Variants in ADAMTS12 observed in about 807,000 individuals in gnomAD.
ADAMTS12 encodes ADAM metallopeptidase with thrombospondin type 1 motif 12.
In ADAMTS12, 118 loss-of-function variants were observed where a neutral mutation model predicts 167.8. The ratio of observed to expected loss-of-function variants is 0.70; its 90% CI spans 0.61 to 0.82. The LOEUF (loss-of-function observed/expected upper bound fraction) is 0.82, where lower values mean the gene tolerates loss of function less well. Ranked by LOEUF, ADAMTS12 falls within the 40% of genes least tolerant of loss-of-function variation. The pLI is 0.00. For synonymous variants in ADAMTS12, 704 were observed against 716.9 expected, an observed-to-expected ratio of 0.98 and a Z score of 0.29; for missense variants, 1,916 against 1,998.8, an observed-to-expected ratio of 0.96 and a Z score of 0.79.
chr5:33,652,458 C>T lies in ADAMTS12; in HGVS notation c.1191-2761G>A, dbSNP rs78310142. On this transcript the variant is annotated intron_variant, in intron 7 of 23. Coordinates refer to ENST00000504830, the MANE Select transcript of ADAMTS12 (RefSeq NM_030955.4). ...GAAAAATGTCTGTTCTTATCCTATT[C>T]CTACTTTTTAATGGGGTTGTTTATT... 4.6e-3 allele frequency among the ~76,000 whole-genome samples: 699 copies of T among 152,074 alleles called. 5 individuals are homozygous for T. Among genetic ancestry groups the T allele is most frequent in the African/African-American group, 0.016 (678 of 41,518 alleles).
chr5:33,684,358 A>G (rs529194928), intron 3 of ADAMTS12, among the ~76,000 whole-genome samples: 1 of 152,290 alleles, frequency 6.6e-6, no homozygotes, highest in Non-Finnish European at 1.5e-5. Flanking sequence ...CTCCTCCTTT[A>G]AATTATTTAG....
At chr5:33,541,525 A>T (rs530001083) in intron 22 of ADAMTS12, among the ~76,000 whole-genome samples, 1 of 152,326 alleles carries the variant, frequency 6.6e-6, no homozygotes, top group East Asian at 1.9e-4. Flanking sequence ...CCTAAGACAC[A>T]TAATTGTCAG....
At chr5:33,797,592 C>CCA (rs146932993) in intron 2 of ADAMTS12, among the ~76,000 whole-genome samples, 4,650 of 151,968 alleles carry the variant, frequency 0.031, 262 homozygotes, top group African/African-American at 0.11. Flanking sequence ...TGAAGGTTCC[C>CCA]CACAGAGAAA....
intron 2 of ADAMTS12, among the ~76,000 whole-genome samples, chr5:33,841,118 C>T (rs1236305446): frequency 1.3e-5 from 2 of 152,126 alleles, no homozygotes; most frequent in Non-Finnish European, 2.9e-5. Context: ...AGTCTCCTGG[C>T]TGGATTCTCT....
Position 33,891,950 on chromosome 5 carries a change from G to A in ADAMTS12, c.-94C>T. ...CCTGTGGCCCAGCAGGAAGATGCAG[G>A]GGTGCATGGTCAGGCGCGAGAAGGC... On this transcript the variant is annotated 5_prime_UTR_variant, in exon 1 of 24. Transcript: ENST00000504830. 1.3e-6 allele frequency: 2 copies of A among 1,501,918 alleles called. No homozygotes were observed. The highest frequency in any genetic ancestry group is 1.8e-6 in the Non-Finnish European group (2 of 1,115,844). 93.0% of individuals were successfully genotyped at this position (1,501,918 alleles called of 1,614,324 possible). A position where few individuals can be genotyped will look rare whatever the true frequency, so the allele number is the denominator to read the frequency against.
At chr5:33,559,411 A>G (rs73078375) in intron 20 of ADAMTS12, among the ~76,000 whole-genome samples, 10,036 of 152,138 alleles carry the variant, frequency 0.066, 1,079 homozygotes, top group African/African-American at 0.23. Flanking sequence ...TCCCCCAAGA[A>G]CTGGTTAAGC....
intron 3 of ADAMTS12, among the ~76,000 whole-genome samples, chr5:33,692,891 A>G (rs10075107): frequency 0.22 from 34,136 of 152,180 alleles, 4,004 homozygotes; most frequent in East Asian, 0.42. Context: ...TGAGTCCTAC[A>G]TGTATCTTCT....
chr5:33,880,356 T>C (rs142599884), intron 2 of ADAMTS12, among the ~76,000 whole-genome samples: 1 of 152,324 alleles, frequency 6.6e-6, no homozygotes, highest in Non-Finnish European at 1.5e-5. Context: ...CTCTTCACAA[T>C]TAAGTGTCAG....
chr5:33,866,446 T>C (rs1416818692), intron 2 of ADAMTS12, among the ~76,000 whole-genome samples: 1 of 151,924 alleles, frequency 6.6e-6, no homozygotes, highest in Non-Finnish European at 1.5e-5. Context: ...AAAAATCAAC[T>C]CAAGATGGAT....
At chr5:33,616,180 T>C in intron 14 of ADAMTS12, 108 bp from the exon 15 acceptor site, 1 of 1,453,282 alleles carries the variant, frequency 6.9e-7, no homozygotes, top group Non-Finnish European at 9.1e-7. Context: ...CATCATTTAG[T>C]GACCTTGCTG....
At chr5:33,715,919 C>G (rs1037246594) in intron 3 of ADAMTS12, among the ~76,000 whole-genome samples, 2 of 152,124 alleles carry the variant, frequency 1.3e-5, no homozygotes, top group African/African-American at 4.8e-5. Flanking sequence ...GGGACTATAA[C>G]TTTGTTTGAC....
At chr5:33,603,443 C>T (rs1738282870) in intron 16 of ADAMTS12, 1 of 152,190 alleles carries the variant, frequency 6.6e-6, no homozygotes, top group Non-Finnish European at 1.5e-5. Flanking sequence ...TTCATTAAGC[C>T]TTCCGTAATG....
intron 3 of ADAMTS12, among the ~76,000 whole-genome samples, chr5:33,716,288 C>T (rs566976710): frequency 1.1e-4 from 16 of 152,190 alleles, no homozygotes; most frequent in African/African-American, 3.4e-4. Context: ...TCTACCTTCA[C>T]CATTATCTTG....
intron 2 of ADAMTS12, among the ~76,000 whole-genome samples, chr5:33,758,976 A>T (rs184005806): frequency 6.6e-6 from 1 of 152,360 alleles, no homozygotes; most frequent in East Asian, 1.9e-4. Context: ...CACAAAACAG[A>T]TCAGATGATA....
intron 16 of ADAMTS12, among the ~76,000 whole-genome samples, chr5:33,598,944 TCTCGGGACA>T (rs1179505866): frequency 6.6e-6 from 1 of 152,190 alleles, no homozygotes; most frequent in African/African-American, 2.4e-5. Flanking sequence ...TGTGTCTCAA[TCTCGGGACA>T]CTCCAGCTAC....
rs1748265918 is a variant in ADAMTS12 at position 33,830,719 on chromosome 5, GAGGTCA to G, written c.489+50394_489+50399del. On this transcript the variant is annotated intron_variant, in intron 2 of 23. Coordinates refer to ENST00000504830, the MANE Select transcript of ADAMTS12 (RefSeq NM_030955.4). ...AGATGGGAGTGCTGTTTGAGCCCAGGAGGTCAAGGCTGCAGTGAGCCATGATTACAC... is the reference window on the plus strand; with the variant it reads ...AGATGGGAGTGCTGTTTGAGCCCAGGAGGCTGCAGTGAGCCATGATTACAC... 2.0e-5 allele frequency among the ~76,000 whole-genome samples: 3 copies of G among 152,184 alleles called. No homozygotes were observed. The South Asian group carries it at 6.2e-4, about 32-fold the overall frequency.
intron 20 of ADAMTS12, among the ~76,000 whole-genome samples, chr5:33,559,600 G>T (rs35585640): frequency 1.3e-5 from 2 of 152,104 alleles, no homozygotes; most frequent in African/African-American, 4.8e-5. Flanking sequence ...GATCAGTATG[G>T]CTGGGTGTGG....
At chr5:33,870,953 C>A (rs1236165521) in intron 2 of ADAMTS12, among the ~76,000 whole-genome samples, 1 of 152,102 alleles carries the variant, frequency 6.6e-6, no homozygotes, top group Non-Finnish European at 1.5e-5. Context: ...CAGTTAAACC[C>A]CTTTTCTTTA....
chr5:33,828,853 C>T (rs1748192739), intron 2 of ADAMTS12, among the ~76,000 whole-genome samples: 2 of 152,152 alleles, frequency 1.3e-5, no homozygotes, highest in South Asian at 2.1e-4. Context: ...AAAGGGAGGG[C>T]TCTGTCGCAG....
Sources: gnomAD v4.1 joint callset for allele counts (sites outside exome capture counted in the v4.1 genomes callset) on GRCh38, gnomAD v4.1.1 for gene constraint, MANE v1.5 for transcripts, NCBI Gene and HGNC (gene_info 2026-07-23, HGNC 2026-07-21) for gene names.